The following ZNF365 variants were observed in gnomAD, a reference collection of about 807,000 sequenced individuals.
ZNF365 encodes the protein zinc finger protein 365.
Under a neutral mutation model 35.0 loss-of-function variants are expected in ZNF365, and 22 were observed. The ratio of observed to expected loss-of-function variants is 0.63; its 90% CI spans 0.45 to 0.90. The LOEUF (loss-of-function observed/expected upper bound fraction) is 0.90. ZNF365 is among the 40% of genes least tolerant of loss of function. The pLI is 0.00. For missense variants in ZNF365, 448 were observed against 500.3 expected (o/e 0.90, Z 1.00); for synonymous variants, 188 against 196.2 (o/e 0.96, Z 0.35).
At chr10:62,429,344 TG>T (rs1840300730) in intron 3 of ZNF365, among the ~76,000 whole-genome samples, 1 of 152,226 alleles carries the variant, frequency 6.6e-6, no homozygotes, top group South Asian at 2.1e-4. Context: ...GATCTCAAAG[TG>T]GTTTTCATTA....
rs546375379 is a variant in ZNF365, at chr10:62,410,202, C to G, written c.924+21626C>G. Among the ~76,000 whole-genome samples, 25 of 151,938 alleles carry G rather than the reference C, an allele frequency of 1.6e-4. No individual in the cohort carries two copies. The South Asian group carries it at 5.2e-3, about 32-fold the overall frequency. ...TGACTGCTACTAAAATCCTGATTAA[C>G]TAAGCCTTGTTCAAAGAACCAATAA... On this transcript the variant is annotated intron_variant, in intron 3 of 4. Coordinates refer to the ZNF365 transcript ENST00000395255.
intron 3 of ZNF365, among the ~76,000 whole-genome samples, chr10:62,454,917 A>T (rs1840738516): frequency 1.3e-5 from 2 of 152,142 alleles, no homozygotes; most frequent in Non-Finnish European, 2.9e-5. Flanking sequence ...CTGCTTTTGG[A>T]GATTAGTGCA....
chr10:62,435,863 T>G (rs980448868), intron 3 of ZNF365, among the ~76,000 whole-genome samples: 2 of 152,232 alleles, frequency 1.3e-5, no homozygotes, highest in Non-Finnish European at 2.9e-5. Flanking sequence ...GATGTCATTA[T>G]CTGAAATATC....
chr10:62,465,940 A>G (rs1178685400), intron 4 of ZNF365, among the ~76,000 whole-genome samples: 2 of 152,120 alleles, frequency 1.3e-5, no homozygotes, highest in African/African-American at 2.4e-5. Context: ...CAGCCCTCCC[A>G]TGCTTCACTT....
chr10:62,459,602 C>T (rs979026929), intron 3 of ZNF365: 3 of 938,006 alleles, frequency 3.2e-6, no homozygotes, highest in Admixed American at 2.6e-5. Context: ...AATGCAATTT[C>T]TGTTTCTAGC....
intron 4 of ZNF365, among the ~76,000 whole-genome samples, chr10:62,462,219 G>A (rs1288218559): frequency 6.6e-6 from 1 of 152,174 alleles, no homozygotes; most frequent in Non-Finnish European, 1.5e-5. Flanking sequence ...AGAGGAGGCT[G>A]ACTGTGGTGA....
chr10:62,379,024 A>ATTTT lies in ZNF365; in HGVS notation c.743+2101_743+2104dup, dbSNP rs35163241. Reference sequence around the variant, plus strand: ...ATGCCTGAGGATAAATTACGAGTTGATTTTTTTTTTTTTTTTGAGACAGAG... The same window carrying ATTTT: ...ATGCCTGAGGATAAATTACGAGTTGATTTTTTTTTTTTTTTTTTTTGAGACAGAG... On this transcript the variant is annotated intron_variant, in intron 2 of 4. Coordinates refer to ENST00000395254, the MANE Select transcript of ZNF365 (RefSeq NM_014951.3). 5.4e-3 allele frequency among the ~76,000 whole-genome samples: 745 copies of ATTTT among 138,970 alleles called. 12 individuals are homozygous for ATTTT. Among genetic ancestry groups the ATTTT allele is most frequent in the African/African-American group, 0.019 (726 of 37,262 alleles). 91.2% of individuals were successfully genotyped at this position (138,970 alleles called of 152,430 possible). A position where few individuals can be genotyped will look rare whatever the true frequency, so the allele number is the denominator to read the frequency against.
chr10:62,431,580 A>T (rs1840335593), intron 3 of ZNF365, among the ~76,000 whole-genome samples: 1 of 152,090 alleles, frequency 6.6e-6, no homozygotes. Flanking sequence ...CCTATTTTTG[A>T]TGGTTCCAAC....
At chr10:62,444,547 T>C (rs781112705) in intron 3 of ZNF365, among the ~76,000 whole-genome samples, 60 of 152,154 alleles carry the variant, frequency 3.9e-4, no homozygotes, top group Non-Finnish European at 1.8e-4. Context: ...TGCTAGTCTC[T>C]GGATGCATCA....
intron 4 of ZNF365, among the ~76,000 whole-genome samples, chr10:62,472,994 T>C (rs1841067948): frequency 6.6e-6 from 1 of 152,200 alleles, no homozygotes; most frequent in Non-Finnish European, 1.5e-5. Flanking sequence ...CTGTGACCTG[T>C]ATCTTATATT....
intron 3 of ZNF365, among the ~76,000 whole-genome samples, chr10:62,422,951 T>C (rs867201912): frequency 1.3e-5 from 2 of 152,326 alleles, no homozygotes; most frequent in African/African-American, 4.8e-5. Context: ...ACCTCTAGTC[T>C]CCTAAGAAAT....
chr10:62,401,865 C>T lies in ZNF365; in HGVS notation c.*2076C>T. The T allele has an allele frequency of 1.0e-6, 1 of 985,484 alleles. No homozygotes were observed. The highest frequency in any genetic ancestry group is 1.2e-6 in the Non-Finnish European group (1 of 829,896). The allele number at this position is 985,484 out of a possible 1,614,324, so 61.0% of individuals were successfully genotyped here. On this transcript the variant is annotated 3_prime_UTR_variant, in exon 5 of 5. Transcript: ENST00000395254. ...CTTCAGAAAGTACCATAATGTCATC[C>T]TACTCTACATTTCACAAGACGAATT... is the stretch of plus-strand genomic sequence containing the variant.
chr10:62,444,226 C>T (rs1840547452), intron 3 of ZNF365, among the ~76,000 whole-genome samples: 1 of 152,184 alleles, frequency 6.6e-6, no homozygotes, highest in Non-Finnish European at 1.5e-5. Flanking sequence ...CTGCTCTTCT[C>T]TGTGCCCTGG....
chr10:62,412,336 A>C (rs150462093), intron 3 of ZNF365, among the ~76,000 whole-genome samples: 3,430 of 152,266 alleles, frequency 0.023, 58 homozygotes, highest in Non-Finnish European at 0.036. Context: ...TATCATACTG[A>C]ATGGGCAAAA....
At chr10:62,437,175 G>A (rs1436099147) in intron 3 of ZNF365, among the ~76,000 whole-genome samples, 2 of 152,192 alleles carry the variant, frequency 1.3e-5, no homozygotes, top group African/African-American at 4.8e-5. Flanking sequence ...GTCTGTGGGT[G>A]TTTTGGAAAA....
chr10:62,393,991 T>G (rs533260351), intron 3 of ZNF365, among the ~76,000 whole-genome samples: 2 of 152,314 alleles, frequency 1.3e-5, no homozygotes, highest in Admixed American at 6.5e-5. Flanking sequence ...CTTTGAACCA[T>G]AGTCAGACAC....
chr10:62,468,331 G>A (rs1488294984), intron 4 of ZNF365, among the ~76,000 whole-genome samples: 1 of 152,100 alleles, frequency 6.6e-6, no homozygotes, highest in Non-Finnish European at 1.5e-5. Flanking sequence ...TATATGAAGG[G>A]ACATCAAAAT....
At chr10:62,431,819 G>A (rs1840339252) in intron 3 of ZNF365, among the ~76,000 whole-genome samples, 1 of 151,852 alleles carries the variant, frequency 6.6e-6, no homozygotes. Context: ...TAAGTAGAGA[G>A]GTTTAAATAG....
intron 3 of ZNF365, among the ~76,000 whole-genome samples, chr10:62,424,399 G>A (rs1840220488): frequency 6.6e-6 from 1 of 152,182 alleles, no homozygotes; most frequent in African/African-American, 2.4e-5. Context: ...TCTATTATAA[G>A]CAATGAATTA....
Sources: gnomAD v4.1 joint callset for allele counts (sites outside exome capture counted in the v4.1 genomes callset) on GRCh38, gnomAD v4.1.1 for gene constraint, MANE v1.5 for transcripts, NCBI Gene and HGNC (gene_info 2026-07-23, HGNC 2026-07-21) for gene names.